Variants in TRAP1 observed in about 807,000 individuals in gnomAD.
TRAP1 encodes the protein TNF receptor associated protein 1.
Under a neutral mutation model 89.1 loss-of-function variants are expected in TRAP1, and 102 were observed. That is an observed-to-expected ratio of 1.15 (90% confidence interval 0.98 to 1.35). The LOEUF is 1.35. TRAP1 is among the 40% of genes most tolerant of loss of function. TRAP1 has a pLI of 0.00. For missense variants in TRAP1, 1,256 were observed against 945.3 expected (o/e 1.33, Z -4.31); for synonymous variants, 508 against 388.0 (o/e 1.31, Z -3.64).
chr16:3,658,281 A>AT (rs35081909), intron 17 of TRAP1, 51 bp from the exon 18 acceptor site: 143,163 of 1,184,818 alleles, frequency 0.12, 1,161 homozygotes, highest in South Asian at 0.16. Flanking sequence ...GCACCTTTTC[A>AT]TTTTTTTTTT....
chr16:3,663,134 G>A, intron 14 of TRAP1, 167 bp from the exon 15 acceptor site: 1 of 666,890 alleles, frequency 1.5e-6, no homozygotes, highest in Non-Finnish European at 2.5e-6. Context: ...GGATGCTTCA[G>A]GTTGCCTGAG....
chr16:3,674,375 C>CG lies in TRAP1; in HGVS notation c.1007dup (p.Leu337AlafsTer18). 6.2e-7 allele frequency: 1 copy of CG among 1,614,068 alleles called. No homozygotes were observed. Among genetic ancestry groups the CG allele is most frequent in the East Asian group, 2.2e-5 (1 of 44,882 alleles). The stretch of plus-strand genomic sequence containing the variant: ...CGTAGAAGATGCTGCGGATGTTGAG[C>CG]GGTGCGTCCGTCTTATAGTGCAGGG... On this transcript the variant is annotated frameshift_variant, in exon 9 of 18. Transcript: ENST00000246957. LOFTEE classifies it high-confidence loss of function.
intron 1 of TRAP1, among the ~76,000 whole-genome samples, chr16:3,698,239 C>G (rs1185120133): frequency 2.0e-5 from 3 of 151,642 alleles, no homozygotes; most frequent in African/African-American, 7.3e-5. Flanking sequence ...AGTATCATAA[C>G]GCCAAGATTA....
At chr16:3,691,159 G>T in intron 1 of TRAP1, 174 bp from the exon 2 acceptor site, 1 of 523,256 alleles carries the variant, frequency 1.9e-6, no homozygotes, top group Non-Finnish European at 3.1e-6. Flanking sequence ...TGTGGTTTTG[G>T]CAAGGAGCCC....
At chr16:3,687,288 C>G (rs1030822778) in intron 3 of TRAP1, 1 of 152,182 alleles carries the variant, frequency 6.6e-6, no homozygotes, top group Non-Finnish European at 1.5e-5. Context: ...CCATGTAAGA[C>G]GGGACTTGTT....
rs185391240 is a variant in TRAP1 at position 3,659,089 on chromosome 16, C to T, written c.1941-224G>A. ...TAGAAAATGCTGTAAGGTAGCCAAA[C>T]TCCAAGATTAATATACACTAAAGGG... On this transcript the variant is annotated intron_variant, in intron 16 of 17. Transcript: ENST00000246957. 61 of 528,434 alleles carry T rather than the reference C, an allele frequency of 1.2e-4. 1 individual carries two copies. In the Middle Eastern group the frequency reaches 1.4e-3, roughly 12 times the overall value. 32.7% of individuals were successfully genotyped at this position (528,434 alleles called of 1,614,324 possible). A position where few individuals can be genotyped will look rare whatever the true frequency, so the allele number is the denominator to read the frequency against.
chr16:3,717,465 A>G lies in TRAP1; in HGVS notation c.44T>C (p.Leu15Pro). ...CGCCGGCGCCCGCAGCAAAGGCCGC[A>G]GGCGGCGGCCCCACAGCAGCAGCGC... ...LRALLLWGRR[L>P]RPLLRAPALA... The change falls in exon 1 of 18, where the codon CTG becomes CCG. Residue 15 changes from leucine to proline, a missense_variant. Leu to Pro is a moderately conservative substitution (Grantham distance 98). Coordinates refer to ENST00000246957, the MANE Select transcript of TRAP1 (RefSeq NM_016292.3). 1 of 1,301,432 alleles carries G rather than the reference A, an allele frequency of 7.7e-7. No homozygotes were observed. Among genetic ancestry groups the G allele is most frequent in the South Asian group, 2.3e-5 (1 of 42,910 alleles). 80.6% of individuals were successfully genotyped at this position (1,301,432 alleles called of 1,614,324 possible). A position where few individuals can be genotyped will look rare whatever the true frequency, so the allele number is the denominator to read the frequency against.
At chr16:3,668,988 G>A (rs2050874534) in intron 11 of TRAP1, among the ~76,000 whole-genome samples, 2 of 152,208 alleles carry the variant, frequency 1.3e-5, no homozygotes, top group African/African-American at 4.8e-5. Flanking sequence ...TCATCCGTGA[G>A]CTTCCCAGAT....
chr16:3,674,577 C>T (rs557923837), intron 8 of TRAP1, 83 bp from the exon 9 acceptor site: 109 of 1,518,532 alleles, frequency 7.2e-5, no homozygotes, highest in Non-Finnish European at 9.0e-5. Context: ...GCCAGTGCAG[C>T]GCCTGGCCCT....
chr16:3,658,386 C>T lies in TRAP1; in HGVS notation c.2014-156G>A, dbSNP rs1426168011. 2.8e-5 allele frequency: 19 copies of T among 668,306 alleles called. 1 individual carries two copies. Among genetic ancestry groups the T allele is most frequent in the Admixed American group, 2.5e-4 (9 of 35,998 alleles). 41.4% of individuals were successfully genotyped at this position (668,306 alleles called of 1,614,324 possible). On this transcript the variant is annotated intron_variant, in intron 17 of 17. Coordinates refer to ENST00000246957, the MANE Select transcript of TRAP1 (RefSeq NM_016292.3). ...GGTGATCCCCCCGCCTCCCAAAGTG[C>T]TGGGATTACAGGCGTGAGCCACCAC...
chr16:3,709,244 A>AAAAAAAAAAAG (rs1567247392), intron 1 of TRAP1, among the ~76,000 whole-genome samples: 1 of 149,284 alleles, frequency 6.7e-6, no homozygotes. Flanking sequence ...AAAAAAAAAA[A>AAAAAAAAAAAG]AAAGAAAAAG....
chr16:3,699,119 C>A (rs147628175), intron 1 of TRAP1, among the ~76,000 whole-genome samples: 1 of 152,160 alleles, frequency 6.6e-6, no homozygotes, highest in Non-Finnish European at 1.5e-5. Context: ...ACCACACACC[C>A]CTCCCCTTCC....
chr16:3,685,065 C>A (rs1420869209), intron 4 of TRAP1, among the ~76,000 whole-genome samples: 1 of 152,208 alleles, frequency 6.6e-6, no homozygotes, highest in African/African-American at 2.4e-5. Context: ...ACCCCTTGCC[C>A]CAGCACATCC....
At chr16:3,700,576 G>A (rs936705620) in intron 1 of TRAP1, among the ~76,000 whole-genome samples, 5 of 151,576 alleles carry the variant, frequency 3.3e-5, no homozygotes, top group South Asian at 2.1e-4. Flanking sequence ...AGCCATTCTC[G>A]GGCCTCAGCC....
At chr16:3,687,590 A>G (rs952834415) in intron 3 of TRAP1, among the ~76,000 whole-genome samples, 1 of 152,118 alleles carries the variant, frequency 6.6e-6, no homozygotes, top group Non-Finnish European at 1.5e-5. Context: ...TCCATTTAAA[A>G]TCAGTGAGAG....
chr16:3,659,840 C>A (rs539356746), intron 16 of TRAP1: 1 of 152,234 alleles, frequency 6.6e-6, no homozygotes, highest in African/African-American at 2.4e-5. Flanking sequence ...ACCGCAGCCT[C>A]CTGGTTTCAA....
intron 11 of TRAP1, 83 bp downstream of exon 11, chr16:3,671,639 C>T: frequency 6.8e-7 from 1 of 1,478,940 alleles, no homozygotes; most frequent in Non-Finnish European, 9.2e-7. Context: ...CTCCATGGGC[C>T]ACGGCTAGGG....
chr16:3,695,963 T>C (rs1018868419), intron 1 of TRAP1, among the ~76,000 whole-genome samples: 4 of 152,188 alleles, frequency 2.6e-5, no homozygotes, highest in Admixed American at 1.3e-4. Flanking sequence ...ACCTTTGCCA[T>C]GTGTACAGAC....
In TRAP1 at chr16:3,674,510, G is replaced by C; in HGVS notation, c.889-16C>G. 1 of 1,612,292 alleles carries C rather than the reference G, an allele frequency of 6.2e-7. No homozygotes were observed. The highest frequency in any genetic ancestry group is 8.5e-7 in the Non-Finnish European group (1 of 1,179,512). On this transcript the variant is annotated splice_polypyrimidine_tract_variant and intron_variant, in intron 8 of 17. Coordinates refer to ENST00000246957, the MANE Select transcript of TRAP1 (RefSeq NM_016292.3). ...TCCAGATGGCCTGGAAACGGAGATC[G>C]GCGGGGAGGGCGTCGTGTTCACCAC...
Sources: gnomAD v4.1 joint callset for allele counts (sites outside exome capture counted in the v4.1 genomes callset) on GRCh38, gnomAD v4.1.1 for gene constraint, MANE v1.5 for transcripts, NCBI Gene and HGNC (gene_info 2026-07-23, HGNC 2026-07-21) for gene names.